KCNQ1: variants seen among roughly 807,000 people sequenced by gnomAD.
KCNQ1 encodes the protein potassium voltage-gated channel subfamily Q member 1.
Under a neutral mutation model 72.4 loss-of-function variants are expected in KCNQ1, and 49 were observed. That is an observed-to-expected ratio of 0.68 (90% CI 0.54 to 0.86). The LOEUF is 0.86. Among genes scored for constraint, KCNQ1 ranks in the 40% least tolerant of loss-of-function variants. The probability of loss-of-function intolerance (pLI) is 0.00; values close to 1 mark genes in which losing one functional copy is unlikely to be tolerated. For missense variants in KCNQ1, 790 were observed against 945.1 expected, an observed-to-expected ratio of 0.84 and a Z score of 2.15; for synonymous variants, 450 against 412.6, an observed-to-expected ratio of 1.09 and a Z score of -1.10.
At chr11:2,773,323 A>G (rs575948769) in intron 12 of KCNQ1, among the ~76,000 whole-genome samples, 5 of 152,018 alleles carry the variant, frequency 3.3e-5, no homozygotes, top group Admixed American at 6.5e-5. Flanking sequence ...TCAGCAACTC[A>G]TCTTACAGAA....
At chr11:2,472,417 G>GGT (rs752789512) in intron 1 of KCNQ1, among the ~76,000 whole-genome samples, 140 of 151,940 alleles carry the variant, frequency 9.2e-4, no homozygotes, top group African/African-American at 3.0e-3. Context: ...TGCACCTATG[G>GGT]GTGTGTGTGT....
chr11:2,445,219 G>T lies in KCNQ1; in HGVS notation c.121G>T (p.Ala41Ser). The T allele has an allele frequency of 8.8e-7, 1 of 1,134,816 alleles. No homozygotes were observed. The highest frequency in any genetic ancestry group is 1.1e-6 in the Non-Finnish European group (1 of 923,088). 70.3% of individuals were successfully genotyped at this position (1,134,816 alleles called of 1,614,324 possible). Residue 41 changes from alanine to serine, a missense_variant, in exon 1 of 16, where the codon GCG (alanine) becomes TCG (serine). Transcript: ENST00000155840. ...AKKCPFSLEL[A>S]EGGPAGGALY... The stretch of plus-strand genomic sequence containing the variant: ...GAAGTGCCCCTTCTCGCTGGAGCTG[G>T]CGGAGGGCGGCCCGGCGGGCGGCGC...
Position 2,554,749 on chromosome 11 carries a change from A to G in KCNQ1, c.478-15879A>G, listed in dbSNP as rs565531253. Among the ~76,000 whole-genome samples the G allele has an allele frequency of 2.6e-5, 4 of 152,100 alleles. No individual in the cohort carries two copies. In the South Asian group the frequency reaches 8.3e-4, roughly 32 times the overall value. On this transcript the variant is annotated intron_variant, in intron 2 of 15. Coordinates refer to ENST00000155840, the MANE Select transcript of KCNQ1 (RefSeq NM_000218.3). Reference sequence around the variant, plus strand: ...CAATTTCACGACAAGTCTGCTTTTGACTCTCCCGTTTACTGTGTAAACTTC... The same window carrying G: ...CAATTTCACGACAAGTCTGCTTTTGGCTCTCCCGTTTACTGTGTAAACTTC...
chr11:2,492,985 C>T lies in KCNQ1; in HGVS notation c.387-34943C>T, dbSNP rs936289695. Among the ~76,000 whole-genome samples, 8 of 152,232 alleles carry T rather than the reference C, an allele frequency of 5.3e-5. No homozygotes were observed. The highest frequency in any genetic ancestry group is 2.6e-4 in the Admixed American group (4 of 15,280). On this transcript the variant is annotated intron_variant, in intron 1 of 15. Coordinates refer to ENST00000155840, the MANE Select transcript of KCNQ1 (RefSeq NM_000218.3). This position sits in a 1 kb window ranked among gnomAD's most constrained non-coding sequence, Gnocchi z 4.1. ...TACACTCCCACCAACAGTGTAAAAG[C>T]GTTCCTATTTCTCCACATCCTCTCC... is the stretch of plus-strand genomic sequence containing the variant.
At chr11:2,665,383 T>C (rs886658546) in intron 11 of KCNQ1, 4 of 398,156 alleles carry the variant, frequency 1.0e-5, no homozygotes, top group Non-Finnish European at 1.3e-5. Context: ...AGGAGCCCTG[T>C]ACCCCAAGAG....
intron 2 of KCNQ1, among the ~76,000 whole-genome samples, chr11:2,531,364 CCCATGCGGCAT>C (rs1847627063): frequency 6.6e-6 from 1 of 152,168 alleles, no homozygotes; most frequent in South Asian, 2.1e-4. Flanking sequence ...CCCCAAGGCC[CCCATGCGGCAT>C]CTAAACCAGG....
Position 2,711,459 on chromosome 11 carries a change from C to T in KCNQ1, c.1514+49378C>T, listed in dbSNP as rs990264355. On this transcript the variant is annotated intron_variant, in intron 11 of 15. Coordinates refer to ENST00000155840, the MANE Select transcript of KCNQ1 (RefSeq NM_000218.3). The surrounding 1 kb of genome is among the most constrained non-coding windows in gnomAD (Gnocchi z 5.4). The stretch of plus-strand genomic sequence containing the variant: ...TTCTGTGAGCCGTCATGAAACACCT[C>T]CTGTGGGCTTACTGAGCCACCATCT... Among the ~76,000 whole-genome samples the T allele has an allele frequency of 2.0e-5, 3 of 152,190 alleles. No homozygotes were observed. The highest frequency in any genetic ancestry group is 7.2e-5 in the African/African-American group (3 of 41,442).
chr11:2,771,893 C>T (rs112407), intron 12 of KCNQ1, among the ~76,000 whole-genome samples: 18,378 of 152,160 alleles, frequency 0.12, 1,239 homozygotes, highest in South Asian at 0.18. Flanking sequence ...GGACACAGGC[C>T]GGGACCCTGA....
intron 1 of KCNQ1, among the ~76,000 whole-genome samples, chr11:2,517,318 C>T (rs529141464): frequency 6.6e-6 from 1 of 152,136 alleles, no homozygotes; most frequent in South Asian, 2.1e-4. Flanking sequence ...TGAGATGCAC[C>T]TGATGGACCT....
rs187464596 is a variant in KCNQ1 at position 2,478,169 on chromosome 11, A to G, written c.386+32685A>G. On this transcript the variant is annotated intron_variant, in intron 1 of 15. Coordinates refer to ENST00000155840, the MANE Select transcript of KCNQ1 (RefSeq NM_000218.3). This position sits in a 1 kb window ranked among gnomAD's most constrained non-coding sequence, Gnocchi z 4.0. ...CCAGGGTCGAATCATCCGGAGACACAGGGCAAACCCACATGGAGGGAGACA... is the reference window on the plus strand; with the variant it reads ...CCAGGGTCGAATCATCCGGAGACACGGGGCAAACCCACATGGAGGGAGACA... Among the ~76,000 whole-genome samples, 1 of 152,332 alleles carries G rather than the reference A, an allele frequency of 6.6e-6. No homozygotes were observed. Among genetic ancestry groups the G allele is most frequent in the East Asian group, 1.9e-4 (1 of 5,188 alleles).
In KCNQ1 at chr11:2,445,482, C is replaced by A; in HGVS notation, c.384C>A (p.Ala128=). ...GGAAATGCTTCGTTTACCACTTCGC[C>A]GTGTGAGTATCGCCACCGGCGACGG... is the stretch of plus-strand genomic sequence containing the variant. ...TGWKCFVYHF[A]VFLIVLVCLI... Residue 128 remains alanine (A), a splice_region_variant and synonymous_variant, in exon 1 of 16, where the codon GCC becomes GCA. Coordinates refer to ENST00000155840, the MANE Select transcript of KCNQ1 (RefSeq NM_000218.3). 6.3e-7 allele frequency: 1 copy of A among 1,594,608 alleles called. No homozygotes were observed. Among genetic ancestry groups the A allele is most frequent in the Non-Finnish European group, 8.5e-7 (1 of 1,178,612 alleles).
rs1564811928 is a variant in KCNQ1 at position 2,544,272 on chromosome 11, A to ATATATGTATATATATACG, written c.477+16259_477+16260insGTATATATATACGTATAT. On this transcript the variant is annotated intron_variant, in intron 2 of 15. Transcript: ENST00000155840. This position sits in a 1 kb window ranked among gnomAD's most constrained non-coding sequence, Gnocchi z 4.4. Reference sequence around the variant, plus strand: ...TGTATATATATATGTGTGTGTGTGTATATATATGTGTATATATATATGTAT... The same window carrying ATATATGTATATATATACG: ...TGTATATATATATGTGTGTGTGTGTATATATGTATATATATACGTATATATGTGTATATATATATGTAT... Among the ~76,000 whole-genome samples, 7 of 107,792 alleles carry ATATATGTATATATATACG rather than the reference A, an allele frequency of 6.5e-5. No homozygotes were observed. Among genetic ancestry groups the ATATATGTATATATATACG allele is most frequent in the African/African-American group, 3.1e-4 (6 of 19,136 alleles). 70.7% of individuals were successfully genotyped at this position (107,792 alleles called of 152,430 possible). A position where few individuals can be genotyped will look rare whatever the true frequency, so the allele number is the denominator to read the frequency against.
chr11:2,709,876 A>G lies in KCNQ1; in HGVS notation c.1514+47795A>G, dbSNP rs149002814. Reference sequence around the variant, plus strand: ...TTATGGATATTATCACATTTTATTTATCCATTCATTCATTGAACACTTGGG... The same window carrying G: ...TTATGGATATTATCACATTTTATTTGTCCATTCATTCATTGAACACTTGGG... On this transcript the variant is annotated intron_variant, in intron 11 of 15. Coordinates refer to ENST00000155840, the MANE Select transcript of KCNQ1 (RefSeq NM_000218.3). 2.4e-4 allele frequency among the ~76,000 whole-genome samples: 37 copies of G among 152,322 alleles called. No homozygotes were observed. The East Asian group carries it at 7.1e-3, about 29-fold the overall frequency.
intron 11 of KCNQ1, chr11:2,665,654 T>C (rs1850054198): frequency 5.0e-6 from 2 of 397,842 alleles, no homozygotes; most frequent in Non-Finnish European, 8.8e-6. Context: ...AAGCCCTCAG[T>C]ACCAGTTCCC....
In KCNQ1 at chr11:2,549,287, G is replaced by A. The variant is rs1847943859; in HGVS notation, c.477+21269G>A. 6.6e-6 allele frequency among the ~76,000 whole-genome samples: 1 copy of A among 152,198 alleles called. No homozygotes were observed. Among genetic ancestry groups the A allele is most frequent in the Non-Finnish European group, 1.5e-5 (1 of 68,010 alleles). On this transcript the variant is annotated intron_variant, in intron 2 of 15. Coordinates refer to ENST00000155840, the MANE Select transcript of KCNQ1 (RefSeq NM_000218.3). The surrounding 1 kb of genome is among the most constrained non-coding windows in gnomAD (Gnocchi z 6.2). ...CAGGATGCTGGGGTGGGGCTATGGGGAAGGAAGACATGTGGGCCAGGGTGC... is the reference window on the plus strand; with the variant it reads ...CAGGATGCTGGGGTGGGGCTATGGGAAAGGAAGACATGTGGGCCAGGGTGC...
chr11:2,586,529 C>T (rs992205105), intron 8 of KCNQ1, among the ~76,000 whole-genome samples: 2 of 152,160 alleles, frequency 1.3e-5, no homozygotes, highest in African/African-American at 2.4e-5. Context: ...GGGGTTCCCT[C>T]GGAAGCTGCA....
intron 11 of KCNQ1, chr11:2,681,280 A>G (rs1010190365): frequency 9.5e-5 from 38 of 398,402 alleles, no homozygotes; most frequent in African/African-American, 2.9e-4. Context: ...CTTTCTCCCT[A>G]TACCTTCCTG....
rs1401001460 is a variant in KCNQ1, at chr11:2,645,776, C to T, written c.1394-16185C>T. 1.5e-5 allele frequency: 6 copies of T among 398,696 alleles called. No individual in the cohort carries two copies. Among genetic ancestry groups the T allele is most frequent in the Non-Finnish European group, 2.7e-5 (6 of 226,176 alleles). 24.7% of individuals were successfully genotyped at this position (398,696 alleles called of 1,614,324 possible). A position where few individuals can be genotyped will look rare whatever the true frequency, so the allele number is the denominator to read the frequency against. Reference sequence around the variant, plus strand: ...ATGAGATAGAGGGATGTGGGGCCCACAGCAGATGCAGTCTGGTGGGGGTTG... The same window carrying T: ...ATGAGATAGAGGGATGTGGGGCCCATAGCAGATGCAGTCTGGTGGGGGTTG... On this transcript the variant is annotated intron_variant, in intron 10 of 15. Transcript: ENST00000155840. The surrounding 1 kb of genome is among the most constrained non-coding windows in gnomAD (Gnocchi z 5.8).
At position 2,588,047 on chromosome 11, in the gene KCNQ1, C is replaced by T. The variant is rs770932776; in HGVS notation, c.1251+355C>T. 1.3e-5 allele frequency among the ~76,000 whole-genome samples: 2 copies of T among 150,498 alleles called. No homozygotes were observed. Among genetic ancestry groups the T allele is most frequent in the Non-Finnish European group, 3.0e-5 (2 of 67,712 alleles). Reference sequence around the variant, plus strand: ...GGTGAGCAGTGGGCAGGGGGCCGCGCGCAGTGGGTGGTGGGAGGGGAGCAG... The same window carrying T: ...GGTGAGCAGTGGGCAGGGGGCCGCGTGCAGTGGGTGGTGGGAGGGGAGCAG... On this transcript the variant is annotated intron_variant, in intron 9 of 15. Transcript: ENST00000155840. The surrounding 1 kb of genome is among the most constrained non-coding windows in gnomAD (Gnocchi z 5.6).
Sources: gnomAD v4.1 joint callset for allele counts (sites outside exome capture counted in the v4.1 genomes callset) on GRCh38, gnomAD v4.1.1 for gene constraint, Gnocchi (gnomAD v3.1) non-coding constraint, MANE v1.5 for transcripts, NCBI Gene and HGNC (gene_info 2026-07-23, HGNC 2026-07-21) for gene names.